ENOX1: variants seen among roughly 807,000 people sequenced by gnomAD.
ENOX1 encodes candidate growth-related and time keeping constitutive hydroquinone (NADH) oxidase.
In ENOX1, 42 loss-of-function variants were observed where a neutral mutation model predicts 82.5. The ratio of observed to expected loss-of-function variants is 0.51; its 90% CI spans 0.40 to 0.66. The LOEUF (loss-of-function observed/expected upper bound fraction) is 0.66. Among genes scored for constraint, ENOX1 ranks in the 30% least tolerant of loss-of-function variants. ENOX1 has a pLI of 0.00. For synonymous variants in ENOX1, 271 were observed against 282.2 expected, an observed-to-expected ratio of 0.96 and a Z score of 0.40; for missense variants, 608 against 811.6, an observed-to-expected ratio of 0.75 and a Z score of 3.05.
At chr13:43,607,332 C>T (rs1377261280) in intron 2 of ENOX1, among the ~76,000 whole-genome samples, 2 of 151,878 alleles carry the variant, frequency 1.3e-5, no homozygotes, top group African/African-American at 4.8e-5. Flanking sequence ...CATAGAGTTT[C>T]CTTCTTTATT....
At chr13:43,605,924 A>G (rs2153734314) in intron 2 of ENOX1, among the ~76,000 whole-genome samples, 1 of 152,344 alleles carries the variant, frequency 6.6e-6, no homozygotes, top group South Asian at 2.1e-4. Flanking sequence ...AGGGATTAAT[A>G]ACCAGAATAC....
At chr13:43,522,982 C>T (rs1469000982) in intron 2 of ENOX1, among the ~76,000 whole-genome samples, 2 of 152,234 alleles carry the variant, frequency 1.3e-5, no homozygotes, top group East Asian at 1.9e-4. Flanking sequence ...GTGGCAAGAA[C>T]ATAGAATTTG....
At chr13:43,638,065 G>A (rs1274018024) in intron 2 of ENOX1, among the ~76,000 whole-genome samples, 6 of 152,126 alleles carry the variant, frequency 3.9e-5, no homozygotes, top group East Asian at 1.9e-4. Flanking sequence ...TGTTCAACTC[G>A]TCCTCTAAGA....
intron 2 of ENOX1, among the ~76,000 whole-genome samples, chr13:43,487,184 A>G (rs993173054): frequency 2.0e-5 from 3 of 152,102 alleles, no homozygotes; most frequent in African/African-American, 7.2e-5. Flanking sequence ...AAAAAAAAAA[A>G]AAAGTTAGGA....
At chr13:43,214,464 C>G (rs1055187889) in intron 16 of ENOX1, among the ~76,000 whole-genome samples, 1 of 152,122 alleles carries the variant, frequency 6.6e-6, no homozygotes, top group Non-Finnish European at 1.5e-5. Flanking sequence ...AAATCCATCA[C>G]CACTCCTGGA....
At chr13:43,246,351 T>G (rs903706571) in intron 14 of ENOX1, among the ~76,000 whole-genome samples, 1 of 152,244 alleles carries the variant, frequency 6.6e-6, no homozygotes. Context: ...TGAGTGCCTG[T>G]GGCGCTCTGT....
At chr13:43,391,208 T>G (rs2052755130) in intron 5 of ENOX1, among the ~76,000 whole-genome samples, 1 of 152,136 alleles carries the variant, frequency 6.6e-6, no homozygotes, top group Non-Finnish European at 1.5e-5. Flanking sequence ...CCCGTAACGT[T>G]GCACACTTCT....
intron 1 of ENOX1, among the ~76,000 whole-genome samples, chr13:43,711,675 T>C (rs1259655735): frequency 6.6e-6 from 1 of 152,178 alleles, no homozygotes; most frequent in Non-Finnish European, 1.5e-5. Context: ...TGGCCAGTGA[T>C]GATGAGCATT....
chr13:43,781,782 A>T (rs1248445747), intron 1 of ENOX1, among the ~76,000 whole-genome samples: 1 of 152,198 alleles, frequency 6.6e-6, no homozygotes, highest in Non-Finnish European at 1.5e-5. Flanking sequence ...AAGTGCTGGG[A>T]TTACAGGCGT....
intron 12 of ENOX1, among the ~76,000 whole-genome samples, chr13:43,289,913 G>A (rs951611517): frequency 1.3e-5 from 2 of 151,930 alleles, no homozygotes; most frequent in Admixed American, 6.6e-5. Flanking sequence ...AATGGACAAG[G>A]CACATGAACA....
chr13:43,359,813 C>T (rs1481304675), intron 7 of ENOX1, 38 bp downstream of exon 7: 1 of 1,581,636 alleles, frequency 6.3e-7, no homozygotes. Flanking sequence ...CAAAACATAA[C>T]AAAATGCCTA....
At chr13:43,337,742 C>T (rs1015949728) in intron 9 of ENOX1, among the ~76,000 whole-genome samples, 2 of 152,066 alleles carry the variant, frequency 1.3e-5, no homozygotes, top group Admixed American at 1.3e-4. Context: ...TCATTTTACA[C>T]ACACACACAT....
rs558893190 is a variant in ENOX1 at position 43,510,085 on chromosome 13, C to T, written c.-218-25933G>A. Among the ~76,000 whole-genome samples, 6 of 151,840 alleles carry T rather than the reference C, an allele frequency of 4.0e-5. 1 individual carries two copies. Among genetic ancestry groups the T allele is most frequent in the Non-Finnish European group, 7.4e-5 (5 of 67,972 alleles). On this transcript the variant is annotated intron_variant, in intron 2 of 16. Coordinates refer to ENST00000690772, the MANE Select transcript of ENOX1 (RefSeq NM_001347969.2). ...AGATCTAAGTAGGAGATGGAAGTCA[C>T]CAAAATAATTTTGTAACAGAACAGC... is the stretch of plus-strand genomic sequence containing the variant.
At chr13:43,567,547 T>C (rs1476104255) in intron 2 of ENOX1, among the ~76,000 whole-genome samples, 1 of 152,190 alleles carries the variant, frequency 6.6e-6, no homozygotes, top group African/African-American at 2.4e-5. Flanking sequence ...TAAAAGTTCA[T>C]TTCATCCCTG....
intron 3 of ENOX1, among the ~76,000 whole-genome samples, chr13:43,460,982 AC>A (rs960683696): frequency 2.6e-5 from 4 of 152,162 alleles, no homozygotes; most frequent in African/African-American, 7.2e-5. Flanking sequence ...GCTATGTACA[AC>A]AATCAAACAC....
At chr13:43,343,369 T>C (rs1378129468) in intron 9 of ENOX1, among the ~76,000 whole-genome samples, 1 of 152,234 alleles carries the variant, frequency 6.6e-6, no homozygotes, top group Non-Finnish European at 1.5e-5. Context: ...CTAGGTAATG[T>C]GGTCTGGTAT....
chr13:43,580,490 C>T (rs2080666508), intron 2 of ENOX1, among the ~76,000 whole-genome samples: 2 of 152,174 alleles, frequency 1.3e-5, no homozygotes. Flanking sequence ...CTTGTATGCT[C>T]AGGTGAATAC....
rs139385736 is a variant in ENOX1, at chr13:43,262,708, C to A, written c.1611+2690G>T. Among the ~76,000 whole-genome samples the A allele has an allele frequency of 4.6e-5, 7 of 152,204 alleles. No homozygotes were observed. The East Asian group carries it at 1.4e-3, about 29-fold the overall frequency. ...CCCAGTCTGGTCTTGAACTCCTAGG[C>A]TCAAGAGATCCGCCCACCTCGGCCT... On this transcript the variant is annotated intron_variant, in intron 14 of 16. Transcript: ENST00000690772.
At chr13:43,453,644 A>G (rs1259405966) in intron 3 of ENOX1, among the ~76,000 whole-genome samples, 3 of 152,174 alleles carry the variant, frequency 2.0e-5, no homozygotes, top group African/African-American at 7.2e-5. Flanking sequence ...GGAGAACACT[A>G]TTATCCGGGG....
Sources: gnomAD v4.1 joint callset for allele counts (sites outside exome capture counted in the v4.1 genomes callset) on GRCh38, gnomAD v4.1.1 for gene constraint, MANE v1.5 for transcripts, NCBI Gene and HGNC (gene_info 2026-07-23, HGNC 2026-07-21) for gene names.